The following MUC12 variants were observed in gnomAD, a reference collection of about 807,000 sequenced individuals.
The protein encoded by MUC12 is mucin-12.
MUC12 carries 172 observed loss-of-function variants against 230.8 expected under a neutral mutation model. That is an observed-to-expected ratio of 0.75 (90% CI 0.66 to 0.85). The LOEUF (loss-of-function observed/expected upper bound fraction) is 0.85, where lower values mean the gene tolerates loss of function less well. Among genes scored for constraint, MUC12 ranks in the 40% least tolerant of loss-of-function variants. The pLI, the probability that MUC12 is intolerant of heterozygous loss-of-function variation, is 0.00. For missense variants in MUC12, 3,506 were observed against 5,920.6 expected (o/e 0.59, Z 13.38); for synonymous variants, 1,259 against 2,401.9 (o/e 0.52, Z 13.91).
At chr7:100,981,298 C>A (rs1359088461) in intron 1 of MUC12, 2 of 493,254 alleles carry the variant, frequency 4.1e-6, no homozygotes, top group Non-Finnish European at 3.6e-6. Flanking sequence ...GACACCGTTG[C>A]CACCAGAATC....
Position 100,991,028 on chromosome 7 carries a change from C to T in MUC12, c.465C>T (p.Arg155=). The part of the protein sequence containing the change: ...RSPDRTLSPA[R]TTSSGVSEKS... Reference sequence around the variant, plus strand: ...CAGACAGAACACTCTCACCTGCCCGCACGACAAGCTCAGGCGTCAGTGAAA... The same window carrying T: ...CAGACAGAACACTCTCACCTGCCCGTACGACAAGCTCAGGCGTCAGTGAAA... The change falls in exon 2 of 12, where the codon CGC becomes CGT. Residue 155 remains arginine, a synonymous_variant. Coordinates refer to ENST00000536621, the MANE Select transcript of MUC12 (RefSeq NM_001164462.2). 1 of 1,537,902 alleles carries T rather than the reference C, an allele frequency of 6.5e-7. No homozygotes were observed. The highest frequency in any genetic ancestry group is 8.7e-7 in the Non-Finnish European group (1 of 1,147,056).
intron 1 of MUC12, among the ~76,000 whole-genome samples, chr7:100,989,747 G>C (rs1476505037): frequency 6.6e-6 from 1 of 151,802 alleles, no homozygotes; most frequent in Non-Finnish European, 1.5e-5. Context: ...CTGGAGTGCA[G>C]TGTCATGATC....
intron 11 of MUC12, among the ~76,000 whole-genome samples, 198 bp from the exon 12 acceptor site, chr7:101,018,397 A>C (rs981002995): frequency 7.0e-3 from 89 of 12,752 alleles, no homozygotes; most frequent in Admixed American, 0.011. Context: ...CTCCCTCCTC[A>C]CCCTGGGGCC....
In MUC12 at chr7:100,991,547, G is replaced by A. The variant is rs765082487; in HGVS notation, c.984G>A (p.Glu328=). 11 of 1,536,738 alleles carry A rather than the reference G, an allele frequency of 7.2e-6. 1 individual carries two copies. Among genetic ancestry groups the A allele is most frequent in the Non-Finnish European group, 3.5e-6 (4 of 1,146,468 alleles). Residue 328 remains glutamate, a synonymous_variant, in exon 2 of 12, where the codon GAG becomes GAA. Coordinates refer to ENST00000536621, the MANE Select transcript of MUC12 (RefSeq NM_001164462.2). ...SASSTTLGHS[E]ESTPVHSSPV... ...GCTCCACAACCTTGGGCCATAGTGA[G>A]GAATCGACACCAGTCCACAGCAGCC...
At chr7:100,988,289 GA>G (rs1167163725) in intron 1 of MUC12, among the ~76,000 whole-genome samples, 14,906 of 78,836 alleles carry the variant, frequency 0.19, 963 homozygotes, top group African/African-American at 0.24. Context: ...GGCTGTCCCA[GA>G]AAAAAAAAAA....
In MUC12 at chr7:100,995,576, C is replaced by T. The variant is rs1466446663; in HGVS notation, c.5013C>T (p.His1671=). 6 of 1,536,660 alleles carry T rather than the reference C, an allele frequency of 3.9e-6. 1 individual carries two copies. The highest frequency in any genetic ancestry group is 3.6e-5 in the South Asian group (3 of 84,040). The change falls in exon 2 of 12, where the codon CAC becomes CAT. Residue 1671 remains histidine (H), a synonymous_variant. Transcript: ENST00000536621. ...TPVHSSTGSP[H]TTLSPAGSTT... ...TCCACAGCAGCACTGGATCGCCACA[C>T]ACAACACTGTCCCCTGCCGGCTCTA...
At chr7:101,015,807 C>A in intron 10 of MUC12, 116 bp downstream of exon 10, 1 of 901,286 alleles carries the variant, frequency 1.1e-6, no homozygotes, top group Non-Finnish European at 1.7e-6. Flanking sequence ...GTGGCTGTGA[C>A]TGACAGCCCG....
At chr7:100,982,291 C>T (rs1303997017) in intron 1 of MUC12, among the ~76,000 whole-genome samples, 1 of 152,132 alleles carries the variant, frequency 6.6e-6, no homozygotes, top group African/African-American at 2.4e-5. Context: ...TTACTGTCTT[C>T]CCTCACCCCA....
intron 1 of MUC12, among the ~76,000 whole-genome samples, chr7:100,971,796 C>G (rs1792905021): frequency 6.6e-6 from 1 of 152,312 alleles, no homozygotes; most frequent in African/African-American, 2.4e-5. Context: ...TCTCTGTAGT[C>G]AGATTATTCA....
chr7:100,988,827 C>G (rs1032515587), intron 1 of MUC12, among the ~76,000 whole-genome samples: 2 of 151,956 alleles, frequency 1.3e-5, no homozygotes, highest in African/African-American at 4.8e-5. Flanking sequence ...TGGGAGGGAC[C>G]CAGTGGGAGA....
rs200522765 is a variant in MUC12, at chr7:101,004,058, G to T, written c.13495G>T (p.Ala4499Ser). Residue 4499 changes from alanine (A) to serine (S), a missense_variant, in exon 2 of 12, where the codon GCA becomes TCA. Ala to Ser is a moderately conservative substitution (Grantham distance 99). Coordinates refer to ENST00000536621, the MANE Select transcript of MUC12 (RefSeq NM_001164462.2). The stretch of plus-strand genomic sequence containing the variant: ...AACAGCATCCCACAGCAGCCAAGAC[G>T]CAACGGGAACAATAGTCCTACCTGC... ...ESTASHSSQD[A>S]TGTIVLPARS... 8.7e-7 allele frequency: 1 copy of T among 1,147,258 alleles called. No homozygotes were observed. Among genetic ancestry groups the T allele is most frequent in the African/African-American group, 2.8e-5 (1 of 35,602 alleles). 71.1% of individuals were successfully genotyped at this position (1,147,258 alleles called of 1,614,324 possible).
rs1205513880 is a variant in MUC12 at position 100,995,720 on chromosome 7, C to T, written c.5157C>T (p.Ser1719=). The T allele has an allele frequency of 1.8e-5, 27 of 1,536,154 alleles. No homozygotes were observed. The highest frequency in any genetic ancestry group is 1.7e-4 in the Middle Eastern group (1 of 6,006). Residue 1719 remains serine, a synonymous_variant, in exon 2 of 12, where the codon AGC becomes AGT. Transcript: ENST00000536621. ...AGCTATCTACAACCTCCCACGGCAG[C>T]CCGAGCTCAACTCCAACAACCCACT... ...FVELSTTSHG[S]PSSTPTTHFS... is the part of the protein sequence containing the mutation.
At chr7:100,977,050 C>CAAAAAAAA (rs1157648244) in intron 1 of MUC12, among the ~76,000 whole-genome samples, 12 of 62,430 alleles carry the variant, frequency 1.9e-4, no homozygotes, top group South Asian at 8.2e-4. Flanking sequence ...GACTCCATCT[C>CAAAAAAAA]AAAAAAAAAA....
intron 1 of MUC12, among the ~76,000 whole-genome samples, chr7:100,989,124 A>G (rs1304050994): frequency 7.3e-6 from 1 of 137,458 alleles, no homozygotes; most frequent in Non-Finnish European, 1.5e-5. Context: ...TTTTTGAGAC[A>G]GAGTCTCACT....
Position 101,002,856 on chromosome 7 carries a change from C to T in MUC12, c.12293C>T (p.Ala4098Val), listed in dbSNP as rs527626113. Reference sequence around the variant, plus strand: ...ACACCTTCACCTCCCAGCACCACAGCAGTCCCTGTTGAAGTATCCACAACC... The same window carrying T: ...ACACCTTCACCTCCCAGCACCACAGTAGTCCCTGTTGAAGTATCCACAACC... ...DTTPSPPSTT[A>V]VPVEVSTTYH... Residue 4098 changes from alanine (A) to valine (V), a missense_variant, in exon 2 of 12, where the codon GCA becomes GTA. Transcript: ENST00000536621. The T allele has an allele frequency of 1.3e-4, 142 of 1,052,348 alleles. 50 individuals are homozygous for T. Among genetic ancestry groups the T allele is most frequent in the Admixed American group, 3.8e-4 (16 of 42,144 alleles). 65.2% of individuals were successfully genotyped at this position (1,052,348 alleles called of 1,614,324 possible).
chr7:100,988,289 GAAA>G (rs1167163725), intron 1 of MUC12, among the ~76,000 whole-genome samples: 4 of 78,730 alleles, frequency 5.1e-5, no homozygotes, highest in Admixed American at 1.5e-4. Flanking sequence ...GGCTGTCCCA[GAAA>G]AAAAAAAAAA....
At position 101,008,753 on chromosome 7, in the gene MUC12, A is replaced by C; in HGVS notation, c.15178A>C (p.Lys5060Gln). ...QEYQNFSTLF[K>Q]NRMDVVLKGD... is the part of the protein sequence containing the mutation. ...ATACCAGAACTTCAGTACCCTCTTC[A>C]AGAATCGGGTAAGACCAGGGCACAC... Residue 5060 changes from lysine (K) to glutamine (Q), a missense_variant, in exon 4 of 12, where the codon AAG (lysine) becomes CAG (glutamine). Physicochemically the swap from Lys to Gln is moderately conservative, Grantham distance 53. Coordinates refer to ENST00000536621, the MANE Select transcript of MUC12 (RefSeq NM_001164462.2). The C allele has an allele frequency of 6.5e-7, 1 of 1,537,072 alleles. No homozygotes were observed. The highest frequency in any genetic ancestry group is 8.7e-7 in the Non-Finnish European group (1 of 1,146,846).
At chr7:101,012,576 C>A in intron 6 of MUC12, 129 bp downstream of exon 6, 1 of 1,146,810 alleles carries the variant, frequency 8.7e-7, no homozygotes, top group Non-Finnish European at 1.2e-6. Context: ...AGAAGCCAGG[C>A]CCAGGGTGCC....
rs149795204 is a variant in MUC12, at chr7:101,003,083, G to T, written c.12520G>T (p.Ala4174Ser). The T allele has an allele frequency of 8.8e-7, 1 of 1,135,454 alleles. No individual in the cohort carries two copies. The allele number at this position is 1,135,454 out of a possible 1,614,324, so 70.3% of individuals were successfully genotyped here. The change falls in exon 2 of 12, where the codon GCG becomes TCG. Residue 4174 changes from alanine to serine, a missense_variant. Coordinates refer to ENST00000536621, the MANE Select transcript of MUC12 (RefSeq NM_001164462.2). ...PISSGSTETTALPGSTTTAGL... is the reference protein window; with the variant it reads ...PISSGSTETTSLPGSTTTAGL... ...CAGTTCAGGCTCAACGGAAACAACA[G>T]CGTTACCTGGCAGTACCACAACAGC... is the stretch of plus-strand genomic sequence containing the variant.
Sources: gnomAD v4.1 joint callset for allele counts (sites outside exome capture counted in the v4.1 genomes callset) on GRCh38, gnomAD v4.1.1 for gene constraint, MANE v1.5 for transcripts, NCBI Gene and HGNC (gene_info 2026-07-23, HGNC 2026-07-21) for gene names.